CHKA: variants seen among roughly 807,000 people sequenced by gnomAD.
CHKA encodes the protein choline kinase alpha.
A neutral mutation model predicts 60.1 loss-of-function variants in CHKA; 34 were observed. The ratio of observed to expected loss-of-function variants is 0.57; its 90% CI spans 0.43 to 0.75. The LOEUF is 0.75. Among genes scored for constraint, CHKA ranks in the 30% least tolerant of loss-of-function variants. The pLI is 0.00. For missense variants in CHKA, 563 were observed against 561.3 expected, an observed-to-expected ratio of 1.00 and a Z score of -0.03; for synonymous variants, 217 against 223.1, an observed-to-expected ratio of 0.97 and a Z score of 0.24.
chr11:68,109,559 G>A (rs577887981), intron 1 of CHKA, among the ~76,000 whole-genome samples: 7 of 152,152 alleles, frequency 4.6e-5, no homozygotes, highest in Admixed American at 1.3e-4. Context: ...CACCTAAGCG[G>A]GGAGGAGAAC....
chr11:68,064,784 G>A (rs1032580436), intron 9 of CHKA, among the ~76,000 whole-genome samples, 153 bp from the exon 10 acceptor site: 4 of 152,226 alleles, frequency 2.6e-5, no homozygotes, highest in African/African-American at 7.2e-5. Flanking sequence ...TGGCACCAGT[G>A]AGCCAACCTT....
chr11:68,089,355 A>G (rs950454732), intron 2 of CHKA, among the ~76,000 whole-genome samples: 2 of 152,218 alleles, frequency 1.3e-5, no homozygotes, highest in Admixed American at 1.3e-4. Flanking sequence ...TCAGCACTGC[A>G]GAGCTCCCTA....
At chr11:68,095,082 T>C (rs975056113) in intron 2 of CHKA, among the ~76,000 whole-genome samples, 3 of 152,034 alleles carry the variant, frequency 2.0e-5, no homozygotes, top group Non-Finnish European at 4.4e-5. Context: ...TTCATTAAGA[T>C]AAAAATGGGC....
At chr11:68,068,075 TGAA>T (rs1333181557) in intron 7 of CHKA, among the ~76,000 whole-genome samples, 1 of 152,208 alleles carries the variant, frequency 6.6e-6, no homozygotes, top group Admixed American at 6.5e-5. Flanking sequence ...TTGCATGGGA[TGAA>T]GTTTTGTTAC....
intron 1 of CHKA, among the ~76,000 whole-genome samples, chr11:68,101,653 C>CAA (rs573050309): frequency 1.8e-5 from 2 of 113,384 alleles, no homozygotes; most frequent in African/African-American, 6.6e-5. Context: ...CAATAGCTAA[C>CAA]AAAAAAAAAA....
intron 1 of CHKA, among the ~76,000 whole-genome samples, chr11:68,100,960 T>G (rs918323307): frequency 7.2e-6 from 1 of 139,860 alleles, no homozygotes; most frequent in African/African-American, 2.7e-5. Context: ...TTTTTTTTTT[T>G]TTTTTGAGAC....
At position 68,053,911 on chromosome 11, in the gene CHKA, T is replaced by G; in HGVS notation, c.*77A>C. 1 of 1,233,612 alleles carries G rather than the reference T, an allele frequency of 8.1e-7. No individual in the cohort carries two copies. The highest frequency in any genetic ancestry group is 1.2e-6 in the Non-Finnish European group (1 of 845,862). 76.4% of individuals were successfully genotyped at this position (1,233,612 alleles called of 1,614,324 possible). On this transcript the variant is annotated 3_prime_UTR_variant, in exon 12 of 12. Transcript: ENST00000265689. The stretch of plus-strand genomic sequence containing the variant: ...AAGCCTCCTGCCACAGGAGCAGTAG[T>G]CGAAGCACAGAGGGGACCCCGCTCT...
At chr11:68,062,078 C>T (rs1167977559) in intron 10 of CHKA, 44 bp from the exon 11 acceptor site, 10 of 1,297,856 alleles carry the variant, frequency 7.7e-6, no homozygotes, top group Admixed American at 6.3e-5. Flanking sequence ...CATACAGTAT[C>T]AGTTACAGGA....
chr11:68,098,937 G>A (rs545105816), intron 1 of CHKA, among the ~76,000 whole-genome samples: 6 of 152,010 alleles, frequency 3.9e-5, no homozygotes, highest in Admixed American at 2.0e-4. Context: ...CACCCATCTC[G>A]GCCTCCCAAA....
intron 1 of CHKA, among the ~76,000 whole-genome samples, chr11:68,105,009 C>G (rs962078834): frequency 6.6e-6 from 1 of 151,660 alleles, no homozygotes; most frequent in African/African-American, 2.4e-5. Flanking sequence ...GAGGCTGAGG[C>G]AGGAGAATCG....
intron 1 of CHKA, among the ~76,000 whole-genome samples, chr11:68,112,466 G>T (rs7925423): frequency 0.57 from 86,489 of 151,908 alleles, 24,743 homozygotes; most frequent in Middle Eastern, 0.71. Context: ...CACCATGTTG[G>T]CCAGGCTGGT....
chr11:68,101,388 G>A (rs1857716597), intron 1 of CHKA, among the ~76,000 whole-genome samples: 1 of 152,152 alleles, frequency 6.6e-6, no homozygotes, highest in Non-Finnish European at 1.5e-5. Context: ...CCTGTTTGCA[G>A]ACAACATGAT....
chr11:68,110,989 C>G (rs768204451), intron 1 of CHKA, among the ~76,000 whole-genome samples: 1 of 143,180 alleles, frequency 7.0e-6, no homozygotes, highest in Non-Finnish European at 1.5e-5. Flanking sequence ...CAGAATGAGA[C>G]TCCATCTCAA....
chr11:68,068,016 G>A (rs1267645780), intron 7 of CHKA, among the ~76,000 whole-genome samples: 2 of 152,234 alleles, frequency 1.3e-5, no homozygotes, highest in African/African-American at 4.8e-5. Context: ...AGCAGCACCA[G>A]TGGGAGCTGC....
intron 1 of CHKA, among the ~76,000 whole-genome samples, chr11:68,118,317 T>C (rs1175349097): frequency 6.6e-6 from 1 of 152,144 alleles, no homozygotes; most frequent in Non-Finnish European, 1.5e-5. Context: ...GGTGCGTGCC[T>C]GTAGTCCCAG....
At chr11:68,094,084 G>A (rs191800841) in intron 2 of CHKA, among the ~76,000 whole-genome samples, 7 of 152,170 alleles carry the variant, frequency 4.6e-5, no homozygotes, top group Non-Finnish European at 1.0e-4. Flanking sequence ...AGTTAGAAAT[G>A]AAAGCCTCAT....
chr11:68,067,974 G>A (rs1427446069), intron 7 of CHKA, among the ~76,000 whole-genome samples: 4 of 152,228 alleles, frequency 2.6e-5, no homozygotes, highest in Non-Finnish European at 5.9e-5. Context: ...GTGACTAGGG[G>A]AGGCAAGGTC....
At chr11:68,117,520 C>G (rs746830322) in intron 1 of CHKA, among the ~76,000 whole-genome samples, 2 of 152,048 alleles carry the variant, frequency 1.3e-5, no homozygotes, top group Non-Finnish European at 2.9e-5. Flanking sequence ...GAAACCCTAT[C>G]TCTACCAAAA....
At chr11:68,074,649 C>T in intron 4 of CHKA, 68 bp downstream of exon 4, 1 of 1,354,756 alleles carries the variant, frequency 7.4e-7, no homozygotes, top group South Asian at 1.2e-5. Flanking sequence ...GTTCTTGCAG[C>T]AATGAGACAA....
Sources: gnomAD v4.1 joint callset for allele counts (sites outside exome capture counted in the v4.1 genomes callset) on GRCh38, gnomAD v4.1.1 for gene constraint, MANE v1.5 for transcripts, NCBI Gene and HGNC (gene_info 2026-07-23, HGNC 2026-07-21) for gene names.